The following ARAP1 variants were observed in gnomAD, a reference collection of about 807,000 sequenced individuals.
ARAP1 encodes the protein arf-GAP with Rho-GAP domain, ANK repeat and PH domain-containing protein 1.
ARAP1 carries 76 observed loss-of-function variants against 172.2 expected under a neutral mutation model. The observed-to-expected ratio is 0.44, with a 90% CI of 0.37 to 0.53. The LOEUF (loss-of-function observed/expected upper bound fraction) is 0.53, where lower values mean the gene tolerates loss of function less well. Among genes scored for constraint, ARAP1 ranks in the 20% least tolerant of loss-of-function variants. The pLI is 0.00. For missense variants in ARAP1, 1,686 were observed against 1,977.5 expected, an observed-to-expected ratio of 0.85 and a Z score of 2.80; for synonymous variants, 804 against 803.3, an observed-to-expected ratio of 1.00 and a Z score of -0.01.
intron 2 of ARAP1, among the ~76,000 whole-genome samples, chr11:72,727,976 A>T (rs1349224616): frequency 6.6e-6 from 1 of 152,256 alleles, no homozygotes; most frequent in East Asian, 1.9e-4. Flanking sequence ...GATTATCTCC[A>T]CAGACACTAA....
rs1464637374 is a variant in ARAP1 at position 72,726,639 on chromosome 11, G to A, written c.490C>T (p.Pro164Ser). ...ACTCACCTCACCAGCAGGCGGGGGG[G>A]TCCGGTGCGGGGCGGCACGGGTGGA... is the stretch of plus-strand genomic sequence containing the variant. ...SVPPVPPRTGPPRLLVSLPTK... is the reference protein window; with the variant it reads ...SVPPVPPRTGSPRLLVSLPTK... Residue 164 changes from proline (P) to serine (S), a missense_variant, in exon 3 of 35, where the codon CCC (proline) becomes TCC (serine). By Grantham distance (74) the Pro-to-Ser change is moderately conservative. Coordinates refer to ENST00000393609, the MANE Select transcript of ARAP1 (RefSeq NM_001040118.3). This position sits in a 1 kb window ranked among gnomAD's most constrained non-coding sequence, Gnocchi z 6.5. 23 of 1,520,592 alleles carry A rather than the reference G, an allele frequency of 1.5e-5. No homozygotes were observed. The highest frequency in any genetic ancestry group is 1.9e-5 in the Non-Finnish European group (22 of 1,132,734). The allele number at this position is 1,520,592 out of a possible 1,614,324, so 94.2% of individuals were successfully genotyped here.
At chr11:72,686,805 C>G (rs1044865408) in intron 33 of ARAP1, among the ~76,000 whole-genome samples, 3 of 152,104 alleles carry the variant, frequency 2.0e-5, no homozygotes, top group Non-Finnish European at 2.9e-5. Context: ...CCAGAGTGAG[C>G]CCTCGAAGAC....
At chr11:72,718,091 C>T (rs148704607) in intron 3 of ARAP1, among the ~76,000 whole-genome samples, 1,553 of 152,306 alleles carry the variant, frequency 0.01, 35 homozygotes, top group Non-Finnish European at 9.9e-3. Context: ...ACACAGGGGC[C>T]TCTCGGAAGC....
chr11:72,724,074 T>C (rs937409502), intron 3 of ARAP1, among the ~76,000 whole-genome samples: 1 of 152,176 alleles, frequency 6.6e-6, no homozygotes, highest in African/African-American at 2.4e-5. Context: ...ATGTCACCAC[T>C]GAAACTGCAC....
rs762578540 is a variant in ARAP1 at position 72,696,635 on chromosome 11, C to T, written c.3186G>A (p.Glu1062=). ...GCAGCTCTCGGTACCTGGAGACCTT[C>T]TCCTCCTCGTCCTCAATCTCTGGGT... The part of the protein sequence containing the change: ...LEASEIEDEE[E]KVSRYRELLV... The change falls in exon 23 of 35, where the codon GAG becomes GAA. Residue 1062 remains glutamate, a synonymous_variant. Coordinates refer to ENST00000393609, the MANE Select transcript of ARAP1 (RefSeq NM_001040118.3). The T allele has an allele frequency of 6.2e-7, 1 of 1,601,980 alleles. No individual in the cohort carries two copies. The highest frequency in any genetic ancestry group is 1.1e-5 in the South Asian group (1 of 90,014).
intron 12 of ARAP1, among the ~76,000 whole-genome samples, chr11:72,706,565 C>T (rs375628424): frequency 4.6e-5 from 7 of 152,346 alleles, no homozygotes; most frequent in African/African-American, 1.4e-4. Context: ...TTTCATCTTC[C>T]TCATCCAGTC....
chr11:72,710,664 T>C lies in ARAP1; in HGVS notation c.1214-77A>G. The C allele has an allele frequency of 7.2e-7, 1 of 1,396,928 alleles. No homozygotes were observed. Among genetic ancestry groups the C allele is most frequent in the Non-Finnish European group, 9.6e-7 (1 of 1,046,232 alleles). The allele number at this position is 1,396,928 out of a possible 1,614,324, so 86.5% of individuals were successfully genotyped here. A position where few individuals can be genotyped will look rare whatever the true frequency, so the allele number is the denominator to read the frequency against. On this transcript the variant is annotated intron_variant, in intron 9 of 34. Coordinates refer to ENST00000393609, the MANE Select transcript of ARAP1 (RefSeq NM_001040118.3). This position sits in a 1 kb window ranked among gnomAD's most constrained non-coding sequence, Gnocchi z 4.3. ...GGGTCTCCTGGCCCTAGGCTCCTCA[T>C]GCAACACCTCCTCCAGAAAGCCCAC...
intron 30 of ARAP1, 158 bp from the exon 31 acceptor site, chr11:72,688,695 G>A: frequency 3.2e-6 from 2 of 622,100 alleles, no homozygotes; most frequent in Non-Finnish European, 5.6e-6. Context: ...AGCCCTCCCT[G>A]TTCACAATCT....
chr11:72,687,121 T>TG, intron 33 of ARAP1: 1 of 399,816 alleles, frequency 2.5e-6, no homozygotes, highest in Non-Finnish European at 4.7e-6. Flanking sequence ...TCAGATCCCC[T>TG]GGGCTCTTCA....
intron 22 of ARAP1, 31 bp downstream of exon 22, chr11:72,696,952 G>C (rs1290285268): frequency 6.3e-7 from 1 of 1,585,130 alleles, no homozygotes; most frequent in Non-Finnish European, 8.5e-7. Context: ...GGTGGAGGAG[G>C]AGGAGGCTGG....
Position 72,712,246 on chromosome 11 carries a change from G to A in ARAP1, c.972C>T (p.Pro324=), listed in dbSNP as rs200741226. The A allele has an allele frequency of 4.5e-5, 72 of 1,607,178 alleles. No individual in the cohort carries two copies. Among genetic ancestry groups the A allele is most frequent in the Middle Eastern group, 3.5e-4 (2 of 5,672 alleles). Residue 324 remains proline, a synonymous_variant, in exon 7 of 35, where the codon CCC becomes CCT. Coordinates refer to ENST00000393609, the MANE Select transcript of ARAP1 (RefSeq NM_001040118.3). The part of the protein sequence containing the change: ...PMDGPPGGST[P]VTPVIKAGWL... ...AGCCAGCCTTGATGACTGGTGTGACGGGGGTGGAGCCCCCAGGCGGCCCGT... is the reference window on the plus strand; with the variant it reads ...AGCCAGCCTTGATGACTGGTGTGACAGGGGTGGAGCCCCCAGGCGGCCCGT...
chr11:72,685,992 A>ACCCAGCCAGGCC (rs1855665648), intron 34 of ARAP1, 50 bp downstream of exon 34: 1 of 1,613,244 alleles, frequency 6.2e-7, no homozygotes, highest in Non-Finnish European at 8.5e-7. Context: ...GAAGGCAGGC[A>ACCCAGCCAGGCC]CCCAGCCAGG....
intron 33 of ARAP1, 85 bp from the exon 34 acceptor site, chr11:72,686,276 G>T: frequency 6.7e-7 from 1 of 1,497,086 alleles, no homozygotes; most frequent in Non-Finnish European, 9.0e-7. Context: ...TCCCAGAAAT[G>T]CCTCCAGCTG....
In ARAP1 at chr11:72,726,658, G is replaced by T; in HGVS notation, c.471C>A (p.Pro157=). ...GGGGGGGTCCGGTGCGGGGCGGCAC[G>T]GGTGGAACGCTCAGCTCTGCCAAAT... The part of the protein sequence containing the change: ...KRHLAELSVP[P]VPPRTGPPRL... The change falls in exon 3 of 35, where the codon CCC becomes CCA. Residue 157 remains proline, a synonymous_variant. Coordinates refer to ENST00000393609, the MANE Select transcript of ARAP1 (RefSeq NM_001040118.3). The surrounding 1 kb of genome is among the most constrained non-coding windows in gnomAD (Gnocchi z 6.5). The T allele has an allele frequency of 6.5e-7, 1 of 1,539,062 alleles. No homozygotes were observed. Among genetic ancestry groups the T allele is most frequent in the East Asian group, 2.4e-5 (1 of 41,952 alleles).
At position 72,712,147 on chromosome 11, in the gene ARAP1, C is replaced by T. The variant is rs781558705; in HGVS notation, c.1022+49G>A. On this transcript the variant is annotated intron_variant, in intron 7 of 34. Coordinates refer to ENST00000393609, the MANE Select transcript of ARAP1 (RefSeq NM_001040118.3). ...GTGTCCTGGGGTCCTGGACACTGCCCCCCACCCCCCCATGCAGAGCACAGC... is the reference window on the plus strand; with the variant it reads ...GTGTCCTGGGGTCCTGGACACTGCCTCCCACCCCCCCATGCAGAGCACAGC... 8 of 1,507,482 alleles carry T rather than the reference C, an allele frequency of 5.3e-6. No homozygotes were observed. The South Asian group carries it at 1.0e-4, about 19-fold the overall frequency. The allele number at this position is 1,507,482 out of a possible 1,614,324, so 93.4% of individuals were successfully genotyped here.
chr11:72,717,102 C>T (rs553370598), intron 3 of ARAP1, among the ~76,000 whole-genome samples: 4 of 152,164 alleles, frequency 2.6e-5, no homozygotes, highest in South Asian at 4.2e-4. Context: ...GGGAAGGCAA[C>T]GGAAGGGGTG....
intron 15 of ARAP1, 52 bp downstream of exon 15, chr11:72,702,853 C>T: frequency 2.0e-6 from 3 of 1,534,588 alleles, no homozygotes; most frequent in Middle Eastern, 1.9e-4. Flanking sequence ...GTAAATCAAA[C>T]CCCACCAGGC....
chr11:72,731,826 C>T (rs924813984), intron 2 of ARAP1, among the ~76,000 whole-genome samples: 5 of 152,126 alleles, frequency 3.3e-5, no homozygotes, highest in Non-Finnish European at 5.9e-5. Flanking sequence ...GTCAGTTCCT[C>T]CAGGGTTAAG....
chr11:72,693,628 G>A lies in ARAP1; in HGVS notation c.3808+64C>T. 1 of 1,538,576 alleles carries A rather than the reference G, an allele frequency of 6.5e-7. No individual in the cohort carries two copies. The highest frequency in any genetic ancestry group is 1.8e-4 in the Middle Eastern group (1 of 5,512). ...AGCTGTTCCTACCTGGCACCACCAG[G>A]TCCCACCCTGGCTCTGGAAGAGAGG... On this transcript the variant is annotated intron_variant, in intron 28 of 34. Transcript: ENST00000393609. This position sits in a 1 kb window ranked among gnomAD's most constrained non-coding sequence, Gnocchi z 4.6.
Sources: allele counts gnomAD v4.1 joint callset (sites outside exome capture counted in the v4.1 genomes callset), GRCh38; gene constraint gnomAD v4.1.1; non-coding constraint Gnocchi (gnomAD v3.1); transcripts MANE v1.5; gene names NCBI Gene and HGNC (gene_info 2026-07-23, HGNC 2026-07-21).